ARSJ: variants seen among roughly 807,000 people sequenced by gnomAD.
ARSJ encodes arylsulfatase J.
A neutral mutation model predicts 35.9 loss-of-function variants in ARSJ; 26 were observed. That is an observed-to-expected ratio of 0.72 (90% CI 0.53 to 1.00). ARSJ has a LOEUF of 1.00. Ranked by LOEUF, ARSJ falls within the 50% of genes least tolerant of loss-of-function variation. ARSJ has a pLI of 0.00. For missense variants in ARSJ, 667 were observed against 723.6 expected, an observed-to-expected ratio of 0.92 and a Z score of 0.90; for synonymous variants, 294 against 267.6, an observed-to-expected ratio of 1.10 and a Z score of -0.96.
At chr4:113,949,431 G>A (rs1562364470) in intron 1 of ARSJ, among the ~76,000 whole-genome samples, 1 of 151,990 alleles carries the variant, frequency 6.6e-6, no homozygotes, top group Non-Finnish European at 1.5e-5. Flanking sequence ...GAGTACCAGA[G>A]ACTATCTCTT....
chr4:113,934,517 A>T (rs529830797), intron 1 of ARSJ, among the ~76,000 whole-genome samples: 12 of 151,786 alleles, frequency 7.9e-5, no homozygotes, highest in African/African-American at 2.9e-4. Flanking sequence ...CCACTCATAT[A>T]TGGGAGCTAA....
intron 1 of ARSJ, among the ~76,000 whole-genome samples, chr4:113,939,328 G>T (rs1191893279): frequency 6.7e-6 from 1 of 148,168 alleles, no homozygotes; most frequent in Non-Finnish European, 1.5e-5. Flanking sequence ...CATTTGGCTT[G>T]GTTCCAAGTC....
rs2099667180 is a variant in ARSJ at position 113,901,877 on chromosome 4, TAGC to T, written c.*394_*396del. ...TGCTACCCTGTAACTTCCATCAAATTAGCATGCTTGCGGATGGTATACCCTGTA... is the reference window on the plus strand; with the variant it reads ...TGCTACCCTGTAACTTCCATCAAATTATGCTTGCGGATGGTATACCCTGTA... On this transcript the variant is annotated 3_prime_UTR_variant, in exon 2 of 2. Transcript: ENST00000315366. 4 of 38,790 alleles carry T rather than the reference TAGC, an allele frequency of 1.0e-4. No homozygotes were observed. Among genetic ancestry groups the T allele is most frequent in the East Asian group, 5.7e-4 (1 of 1,740 alleles). 2.4% of individuals were successfully genotyped at this position (38,790 alleles called of 1,614,324 possible).
At chr4:113,956,502 T>C (rs1272686505) in intron 1 of ARSJ, among the ~76,000 whole-genome samples, 1 of 152,088 alleles carries the variant, frequency 6.6e-6, no homozygotes, top group African/African-American at 2.4e-5. Flanking sequence ...TGGGGAAATT[T>C]AAATTTTAGA....
intron 1 of ARSJ, among the ~76,000 whole-genome samples, chr4:113,966,701 AT>A (rs1726913694): frequency 6.6e-6 from 1 of 152,190 alleles, no homozygotes; most frequent in African/African-American, 2.4e-5. Flanking sequence ...TTTAGTGCCT[AT>A]TTTAGATTTG....
At chr4:113,947,987 G>A (rs1042667050) in intron 1 of ARSJ, among the ~76,000 whole-genome samples, 1 of 151,810 alleles carries the variant, frequency 6.6e-6, no homozygotes, top group Non-Finnish European at 1.5e-5. Context: ...CCAGGAGTTC[G>A]AGACCAGCCT....
rs2099666938 is a variant in ARSJ, at chr4:113,901,195, G to T, written c.*1079C>A. 2 of 152,092 alleles carry T rather than the reference G, an allele frequency of 1.3e-5. No homozygotes were observed. Among genetic ancestry groups the T allele is most frequent in the Admixed American group, 6.5e-5 (1 of 15,274 alleles). 9.4% of individuals were successfully genotyped at this position (152,092 alleles called of 1,614,324 possible). ...ACAGTAAATTTTCTAGTGCCATAAA[G>T]TAAATCATTTTAATAATTAAGATAC... On this transcript the variant is annotated 3_prime_UTR_variant, in exon 2 of 2. Coordinates refer to ENST00000315366, the MANE Select transcript of ARSJ (RefSeq NM_024590.4).
intron 1 of ARSJ, among the ~76,000 whole-genome samples, chr4:113,924,840 C>T (rs1723951256): frequency 6.6e-6 from 1 of 152,122 alleles, no homozygotes; most frequent in South Asian, 2.1e-4. Context: ...CAGCTGGTCA[C>T]ATGGTCGTAG....
chr4:113,934,491 T>C (rs1724648917), intron 1 of ARSJ, among the ~76,000 whole-genome samples: 1 of 151,762 alleles, frequency 6.6e-6, no homozygotes, highest in Admixed American at 6.6e-5. Context: ...CACAGAAAGA[T>C]AAATTTTGCA....
intron 1 of ARSJ, among the ~76,000 whole-genome samples, chr4:113,940,475 A>C (rs1261484293): frequency 6.6e-6 from 1 of 151,962 alleles, no homozygotes; most frequent in Non-Finnish European, 1.5e-5. Flanking sequence ...AACAACACAC[A>C]CTGGGACCTA....
At chr4:113,953,705 T>G (rs1454153025) in intron 1 of ARSJ, among the ~76,000 whole-genome samples, 1 of 152,024 alleles carries the variant, frequency 6.6e-6, no homozygotes. Flanking sequence ...GTAAAAGAAT[T>G]TTCAGTTTTA....
intron 1 of ARSJ, among the ~76,000 whole-genome samples, chr4:113,933,876 G>A (rs1450995587): frequency 6.6e-6 from 1 of 151,738 alleles, no homozygotes; most frequent in Admixed American, 6.6e-5. Flanking sequence ...ACATAATAGT[G>A]GAAGTCCTGG....
chr4:113,936,813 GCAAAACATTAAAA>G (rs1724796473), intron 1 of ARSJ, among the ~76,000 whole-genome samples: 2 of 151,542 alleles, frequency 1.3e-5, no homozygotes, highest in Non-Finnish European at 2.9e-5. Context: ...TAATAATGAA[GCAAAACATTAAAA>G]AAATCACCTC....
chr4:113,900,586 G>A lies in ARSJ; in HGVS notation c.*1688C>T, dbSNP rs1299982884. The A allele has an allele frequency of 6.6e-6, 1 of 152,076 alleles. No individual in the cohort carries two copies. The highest frequency in any genetic ancestry group is 1.5e-5 in the Non-Finnish European group (1 of 68,022). The allele number at this position is 152,076 out of a possible 1,614,324, so 9.4% of individuals were successfully genotyped here. ...CAGTCCTTTGAGCTGTGATGTAAAT[G>A]TATTTAATGGTATGCTGTCATACCA... On this transcript the variant is annotated 3_prime_UTR_variant, in exon 2 of 2. Coordinates refer to ENST00000315366, the MANE Select transcript of ARSJ (RefSeq NM_024590.4).
intron 1 of ARSJ, among the ~76,000 whole-genome samples, chr4:113,909,222 T>C (rs1282442946): frequency 6.6e-6 from 1 of 152,170 alleles, no homozygotes; most frequent in Non-Finnish European, 1.5e-5. Flanking sequence ...CTCCTCTCTG[T>C]TTTATTTCAA....
chr4:113,968,430 C>G (rs777358089), intron 1 of ARSJ, among the ~76,000 whole-genome samples: 1 of 152,086 alleles, frequency 6.6e-6, no homozygotes, highest in East Asian at 1.9e-4. Context: ...AGGAACAGAG[C>G]AGAATGCACT....
At chr4:113,926,242 G>C (rs4422475) in intron 1 of ARSJ, among the ~76,000 whole-genome samples, 110,053 of 152,000 alleles carry the variant, frequency 0.72, 40,384 homozygotes, top group East Asian at 0.81. Context: ...GTGCTTCTTC[G>C]AAGTCCCTGA....
intron 1 of ARSJ, among the ~76,000 whole-genome samples, chr4:113,934,592 T>C (rs188483158): frequency 2.4e-4 from 37 of 151,884 alleles, no homozygotes; most frequent in African/African-American, 8.7e-4. Flanking sequence ...AAGGTGACTA[T>C]GGTTAATATT....
intron 1 of ARSJ, among the ~76,000 whole-genome samples, chr4:113,975,419 C>A (rs1410475894): frequency 2.6e-5 from 4 of 152,074 alleles, no homozygotes; most frequent in Admixed American, 2.0e-4. Context: ...CTTTATGAAG[C>A]CTTCACTATA....
Sources: gnomAD v4.1 joint callset for allele counts (sites outside exome capture counted in the v4.1 genomes callset) on GRCh38, gnomAD v4.1.1 for gene constraint, MANE v1.5 for transcripts, NCBI Gene and HGNC (gene_info 2026-07-23, HGNC 2026-07-21) for gene names.